Variants in SZT2 observed in about 807,000 individuals in gnomAD.
SZT2 encodes KICSTOR complex protein SZT2.
Under a neutral mutation model 404.2 loss-of-function variants are expected in SZT2, and 216 were observed. That is an observed-to-expected ratio of 0.53 (90% CI 0.48 to 0.60). The LOEUF (loss-of-function observed/expected upper bound fraction) is 0.60, where lower values mean the gene tolerates loss of function less well. Ranked by LOEUF, SZT2 falls within the 20% of genes least tolerant of loss-of-function variation. SZT2 has a pLI of 0.00. For missense variants in SZT2, 3,857 were observed against 4,459.2 expected (o/e 0.86, Z 3.85); for synonymous variants, 1,693 against 1,749.9 (o/e 0.97, Z 0.81).
At position 43,394,770 on chromosome 1, in the gene SZT2, C is replaced by T. The variant is rs536690953; in HGVS notation, c.27+4775C>T. On this transcript the variant is annotated intron_variant, in intron 1 of 71. Transcript: ENST00000634258. ...GCGCATGCCTGTAATCCCAGCTACT[C>T]GGAAGGCTGAGGCAGGAGAATTGCT... is the stretch of plus-strand genomic sequence containing the variant. Among the ~76,000 whole-genome samples, 4 of 151,474 alleles carry T rather than the reference C, an allele frequency of 2.6e-5. No individual in the cohort carries two copies. In the South Asian group the frequency reaches 8.3e-4, roughly 32 times the overall value.
chr1:43,435,962 G>A (rs1654417246), intron 42 of SZT2: 1 of 152,202 alleles, frequency 6.6e-6, no homozygotes, highest in Non-Finnish European at 1.5e-5. Context: ...CAGAGGGGAG[G>A]AGCCTGAAGG....
chr1:43,442,252 C>T lies in SZT2; in HGVS notation c.7874-16C>T, dbSNP rs72883828. 17 of 1,609,292 alleles carry T rather than the reference C, an allele frequency of 1.1e-5. No homozygotes were observed. The East Asian group carries it at 3.3e-4, about 32-fold the overall frequency. Reference sequence around the variant, plus strand: ...CTGTTCCCAGGCCCCTATTGTGCCCCTCCCCCACCCTGTAGCTGCCAAAGC... The same window carrying T: ...CTGTTCCCAGGCCCCTATTGTGCCCTTCCCCCACCCTGTAGCTGCCAAAGC... On this transcript the variant is annotated splice_polypyrimidine_tract_variant and intron_variant, in intron 56 of 71. Coordinates refer to ENST00000634258, the MANE Select transcript of SZT2 (RefSeq NM_001365999.1). The surrounding 1 kb of genome is among the most constrained non-coding windows in gnomAD (Gnocchi z 4.5).
chr1:43,391,112 C>T (rs781649826), intron 1 of SZT2, among the ~76,000 whole-genome samples: 1 of 152,154 alleles, frequency 6.6e-6, no homozygotes, highest in Non-Finnish European at 1.5e-5. Flanking sequence ...GTGAGGAGTT[C>T]GAGACCAGCC....
chr1:43,451,521 G>C lies in SZT2; in HGVS notation c.*1041G>C. The C allele has an allele frequency of 6.2e-7, 1 of 1,614,092 alleles. No homozygotes were observed. On this transcript the variant is annotated 3_prime_UTR_variant, in exon 72 of 72. Coordinates refer to ENST00000634258, the MANE Select transcript of SZT2 (RefSeq NM_001365999.1). ...GGGCTGCTGGGCTCCCCTCGGCCTG[G>C]GACCTGTGCCACCTGCACATGCCCT...
chr1:43,438,979 A>G lies in SZT2; in HGVS notation c.6678A>G (p.Leu2226=), dbSNP rs1654760987. 1.2e-6 allele frequency: 2 copies of G among 1,614,016 alleles called. No individual in the cohort carries two copies. The highest frequency in any genetic ancestry group is 1.7e-6 in the Non-Finnish European group (2 of 1,179,978). Residue 2226 remains leucine (L), a synonymous_variant, in exon 48 of 72, where the codon CTA becomes CTG. Transcript: ENST00000634258. ...CCTCAGAGGTGCTGCATCTGGCCCT[A>G]CCCACCTCCTGCAGGCCCTGGCTTC... ...SLPSEVLHLA[L]PTSCRPWLPA...
intron 66 of SZT2, 101 bp downstream of exon 66, chr1:43,447,269 T>C: frequency 7.5e-7 from 1 of 1,324,608 alleles, no homozygotes; most frequent in East Asian, 2.5e-5. Flanking sequence ...AGTGGTCCCA[T>C]GTTGTTAATC....
chr1:43,399,445 A>G (rs371694577), intron 1 of SZT2, among the ~76,000 whole-genome samples: 5 of 150,572 alleles, frequency 3.3e-5, no homozygotes, highest in African/African-American at 9.8e-5. Context: ...TGCTTTCTAA[A>G]TCACACAGTA....
At chr1:43,396,568 G>A (rs1251825944) in intron 1 of SZT2, among the ~76,000 whole-genome samples, 1 of 152,194 alleles carries the variant, frequency 6.6e-6, no homozygotes, top group South Asian at 2.1e-4. Context: ...ACTCAAAGAA[G>A]AGAGGTAAAC....
intron 4 of SZT2, chr1:43,406,623 G>C (rs555752264): frequency 6.6e-6 from 1 of 152,316 alleles, no homozygotes; most frequent in Non-Finnish European, 1.5e-5. Context: ...GACATAAGTG[G>C]GAGCTGGTTA....
At position 43,425,150 on chromosome 1, in the gene SZT2, A is replaced by T; in HGVS notation, c.2588A>T (p.His863Leu). The T allele has an allele frequency of 6.2e-7, 1 of 1,614,182 alleles. No homozygotes were observed. ...GGGCAGGCTGCAGCTGAAGAGAAGCACACCTGTGTTGTCCAGTACATCCTC... is the reference window on the plus strand; with the variant it reads ...GGGCAGGCTGCAGCTGAAGAGAAGCTCACCTGTGTTGTCCAGTACATCCTC... ...PPGQAAAEEKHTCVVQYILFP... is the reference protein window; with the variant it reads ...PPGQAAAEEKLTCVVQYILFP... Residue 863 changes from histidine (H) to leucine (L), a missense_variant, in exon 18 of 72, where the codon CAC (histidine) becomes CTC (leucine). His to Leu is a moderately conservative substitution (Grantham distance 99). This residue lies in a region of SZT2 where 1,725 missense variants were observed against 1,881.0 expected (regional missense o/e 0.92). Transcript: ENST00000634258. The surrounding 1 kb of genome is among the most constrained non-coding windows in gnomAD (Gnocchi z 4.3).
At position 43,419,816 on chromosome 1, in the gene SZT2, T is replaced by A. The variant is rs1570618449; in HGVS notation, c.962T>A (p.Phe321Tyr). Reference sequence around the variant, plus strand: ...ATGAAGTTCATCGCAATGGCAACATTTGGGTCCTACCTGTCCACTTGTCCT... The same window carrying A: ...ATGAAGTTCATCGCAATGGCAACATATGGGTCCTACCTGTCCACTTGTCCT... ...ELMKFIAMAT[F>Y]GSYLSTCPEP... The change falls in exon 8 of 72, where the codon TTT (phenylalanine) becomes TAT (tyrosine). Residue 321 changes from phenylalanine (F) to tyrosine (Y), a missense_variant. Around this residue, in one of 7 missense-constraint regions of SZT2, gnomAD observed 536 missense variants for 637.4 expected, o/e 0.84. Coordinates refer to ENST00000634258, the MANE Select transcript of SZT2 (RefSeq NM_001365999.1). 5.0e-6 allele frequency: 8 copies of A among 1,598,454 alleles called. No individual in the cohort carries two copies. Among genetic ancestry groups the A allele is most frequent in the Non-Finnish European group, 5.9e-6 (7 of 1,179,800 alleles).
At chr1:43,396,538 A>T (rs768513242) in intron 1 of SZT2, among the ~76,000 whole-genome samples, 7 of 152,236 alleles carry the variant, frequency 4.6e-5, no homozygotes, top group African/African-American at 1.7e-4. Context: ...ACTGAAGTGA[A>T]TGGCTGTGCA....
Position 43,428,757 on chromosome 1 carries a change from G to C in SZT2, c.4166+271G>C. ...GATAGGGAGTCCCCTGGTGCTAACC[G>C]TGAACGTAGAGACTTGTTCTGAGGA... On this transcript the variant is annotated intron_variant, in intron 28 of 71. Coordinates refer to ENST00000634258, the MANE Select transcript of SZT2 (RefSeq NM_001365999.1). 2 of 460,334 alleles carry C rather than the reference G, an allele frequency of 4.3e-6. 1 individual carries two copies. Among genetic ancestry groups the C allele is most frequent in the East Asian group, 7.8e-5 (2 of 25,754 alleles). 28.5% of individuals were successfully genotyped at this position (460,334 alleles called of 1,614,324 possible).
chr1:43,445,934 G>T lies in SZT2; in HGVS notation c.8866G>T (p.Gly2956Cys), dbSNP rs201072050. The T allele has an allele frequency of 6.2e-7, 1 of 1,614,210 alleles. No homozygotes were observed. Among genetic ancestry groups the T allele is most frequent in the East Asian group, 2.2e-5 (1 of 44,880 alleles). ...GGCCATGGCTATCCTTGGAACAGAG[G>T]GTCGAGGCTCCTTCTCCTGCCCTAA... ...PRAMAILGTE[G>C]RGSFSCPKTK... is the part of the protein sequence containing the mutation. Residue 2956 changes from glycine (G) to cysteine (C), a missense_variant, in exon 63 of 72, where the codon GGT (glycine) becomes TGT (cysteine). Coordinates refer to ENST00000634258, the MANE Select transcript of SZT2 (RefSeq NM_001365999.1).
In SZT2 at chr1:43,443,443, G is replaced by A. The variant is rs1464789748; in HGVS notation, c.8591G>A (p.Gly2864Glu). The change falls in exon 61 of 72, where the codon GGG becomes GAG. Residue 2864 changes from glycine (G) to glutamate (E), a missense_variant. Transcript: ENST00000634258. Reference protein sequence around the residue: ...MLFDPAAWLHGPPETSGPPDG... With the variant: ...MLFDPAAWLHEPPETSGPPDG... Reference sequence around the variant, plus strand: ...TTCGACCCAGCTGCCTGGCTGCATGGGCCCCCAGAGACCTCTGGACCCCCT... The same window carrying A: ...TTCGACCCAGCTGCCTGGCTGCATGAGCCCCCAGAGACCTCTGGACCCCCT... The A allele has an allele frequency of 3.7e-6, 6 of 1,614,142 alleles. No homozygotes were observed. The highest frequency in any genetic ancestry group is 5.1e-6 in the Non-Finnish European group (6 of 1,180,014).
At chr1:43,432,668 T>C in intron 38 of SZT2, 60 bp from the exon 39 acceptor site, 1 of 1,613,270 alleles carries the variant, frequency 6.2e-7, no homozygotes, top group Non-Finnish European at 8.5e-7. Flanking sequence ...GCTTCCATTT[T>C]TGGAGGGAGG....
At position 43,451,715 on chromosome 1, in the gene SZT2, G is replaced by C. The variant is rs1334449278; in HGVS notation, c.*1235G>C. ...CATCCATGATCTGCCAGTGGAATAT[G>C]TCCTAGGGAAGAGGATACTACATTC... On this transcript the variant is annotated 3_prime_UTR_variant, in exon 72 of 72. Coordinates refer to ENST00000634258, the MANE Select transcript of SZT2 (RefSeq NM_001365999.1). The C allele has an allele frequency of 1.9e-6, 3 of 1,614,104 alleles. No homozygotes were observed. Among genetic ancestry groups the C allele is most frequent in the East Asian group, 4.5e-5 (2 of 44,880 alleles).
In SZT2 at chr1:43,427,116, T is replaced by C; in HGVS notation, c.3370T>C (p.Cys1124Arg). The change falls in exon 24 of 72, where the codon TGC becomes CGC. Residue 1124 changes from cysteine (C) to arginine (R), a missense_variant. Cys to Arg is a radical substitution (Grantham distance 180, BLOSUM62 -3). Around this residue, in one of 7 missense-constraint regions of SZT2, gnomAD observed 1,725 missense variants for 1,881.0 expected, o/e 0.92. Coordinates refer to ENST00000634258, the MANE Select transcript of SZT2 (RefSeq NM_001365999.1). ...CTCTGCCCAGCCCCCTCAGTGGCGC[T>C]GCTATGCAAGGCTTGTGAACCCCCA... ...LISAQPPQWR[C>R]YARLVNPQHV... The C allele has an allele frequency of 6.2e-7, 1 of 1,614,138 alleles. No individual in the cohort carries two copies. Among genetic ancestry groups the C allele is most frequent in the East Asian group, 2.2e-5 (1 of 44,866 alleles).
rs537137556 is a variant in SZT2, at chr1:43,451,260, C to G, written c.*780C>G. On this transcript the variant is annotated 3_prime_UTR_variant, in exon 72 of 72. Coordinates refer to ENST00000634258, the MANE Select transcript of SZT2 (RefSeq NM_001365999.1). ...CCCTCACTGGCCAGCCTCTGGGTGG[C>G]CCCGCCTATCCCAGTATGAACGTAG... 5 of 1,613,914 alleles carry G rather than the reference C, an allele frequency of 3.1e-6. No homozygotes were observed. The Admixed American group carries it at 8.3e-5, about 27-fold the overall frequency.
Sources: gnomAD v4.1 joint callset for allele counts (sites outside exome capture counted in the v4.1 genomes callset) on GRCh38, gnomAD v4.1.1 for gene constraint, gnomAD v4.1.1 regional missense constraint, Gnocchi (gnomAD v3.1) non-coding constraint, MANE v1.5 for transcripts, NCBI Gene and HGNC (gene_info 2026-07-23, HGNC 2026-07-21) for gene names.